The following ZNF821 variants were observed in gnomAD, a reference collection of about 807,000 sequenced individuals.
The protein encoded by ZNF821 is zinc finger protein 821.
ZNF821 carries 16 observed loss-of-function variants against 44.3 expected under a neutral mutation model. The observed-to-expected ratio is 0.36, with a 90% CI of 0.24 to 0.55. The LOEUF (loss-of-function observed/expected upper bound fraction) is 0.55. Ranked by LOEUF, ZNF821 falls within the 20% of genes least tolerant of loss-of-function variation. The pLI, the probability that ZNF821 is intolerant of heterozygous loss-of-function variation, is 0.86. For missense variants in ZNF821, 436 were observed against 547.6 expected (o/e 0.80, Z 2.03); for synonymous variants, 204 against 197.6 (o/e 1.03, Z -0.27).
rs563614681 is a variant in ZNF821, at chr16:71,870,886, A to T, written c.41-2849T>A. Among the ~76,000 whole-genome samples the T allele has an allele frequency of 7.2e-5, 11 of 152,360 alleles. No homozygotes were observed. The South Asian group carries it at 2.3e-3, about 32-fold the overall frequency. On this transcript the variant is annotated intron_variant, in intron 3 of 7. Coordinates refer to ENST00000425432, the MANE Select transcript of ZNF821 (RefSeq NM_001201552.2). ...TAAGGAACAAGTTATGTACTAGCAT[A>T]TAATTATCAAGGGGAAGACCTTTCT...
At chr16:71,870,150 TG>T (rs2142395847) in intron 3 of ZNF821, among the ~76,000 whole-genome samples, 1 of 152,180 alleles carries the variant, frequency 6.6e-6, no homozygotes, top group South Asian at 2.1e-4. Context: ...AAAAGACAAA[TG>T]ATGGTTCTGA....
chr16:71,866,254 A>C (rs1286835613), intron 4 of ZNF821, among the ~76,000 whole-genome samples: 1 of 152,230 alleles, frequency 6.6e-6, no homozygotes, highest in Non-Finnish European at 1.5e-5. Context: ...ATCCACCAGT[A>C]TGAGAGCAAC....
chr16:71,874,320 G>C (rs370959310), intron 3 of ZNF821, among the ~76,000 whole-genome samples: 8 of 152,160 alleles, frequency 5.3e-5, no homozygotes, highest in Admixed American at 2.0e-4. Flanking sequence ...CACAATCTTC[G>C]TCTTCCCAGA....
chr16:71,888,372 C>G (rs1405330164), upstream of ZNF821, among the ~76,000 whole-genome samples: 1 of 152,052 alleles, frequency 6.6e-6, no homozygotes, highest in Non-Finnish European at 1.5e-5. Context: ...AAAATTTACA[C>G]CTATGTTTTC....
At chr16:71,862,013 C>A in intron 6 of ZNF821, 71 bp from the exon 7 acceptor site, 1 of 1,558,856 alleles carries the variant, frequency 6.4e-7, no homozygotes, top group Non-Finnish European at 8.8e-7. Flanking sequence ...TTAGAAATGA[C>A]TTTTGGGAAA....
intron 3 of ZNF821, among the ~76,000 whole-genome samples, chr16:71,874,924 G>A (rs2035633569): frequency 6.6e-6 from 1 of 152,186 alleles, no homozygotes; most frequent in South Asian, 2.1e-4. Flanking sequence ...AAAGGGTAGG[G>A]TCAGCTTCAG....
In ZNF821 at chr16:71,864,114, A is replaced by C. The variant is rs371437397; in HGVS notation, c.417+24T>G. The C allele has an allele frequency of 5.6e-6, 9 of 1,597,640 alleles. No individual in the cohort carries two copies. The African/African-American group carries it at 1.2e-4, about 21-fold the overall frequency. On this transcript the variant is annotated intron_variant, in intron 6 of 7. Coordinates refer to ENST00000425432, the MANE Select transcript of ZNF821 (RefSeq NM_001201552.2). Reference sequence around the variant, plus strand: ...CAAGCTGCCCACACTTGTGTTCCAGAGCACACAGCTCCCCCATCCATACCT... The same window carrying C: ...CAAGCTGCCCACACTTGTGTTCCAGCGCACACAGCTCCCCCATCCATACCT...
At position 71,859,882 on chromosome 16, in the gene ZNF821, C is replaced by T. The variant is rs2033632058; in HGVS notation, c.*136G>A. 1 of 1,007,588 alleles carries T rather than the reference C, an allele frequency of 9.9e-7. No individual in the cohort carries two copies. Among genetic ancestry groups the T allele is most frequent in the South Asian group, 1.7e-5 (1 of 58,650 alleles). The allele number at this position is 1,007,588 out of a possible 1,614,324, so 62.4% of individuals were successfully genotyped here. ...CCCATATGCAAGGGCTGCTCAGGTC[C>T]ACCTGCAATAAACCCAGGCCTGCCT... On this transcript the variant is annotated 3_prime_UTR_variant, in exon 8 of 8. Coordinates refer to ENST00000425432, the MANE Select transcript of ZNF821 (RefSeq NM_001201552.2).
At chr16:71,884,918 C>G (rs2036790011), upstream of ZNF821, 1 of 143,304 alleles carries the variant, frequency 7.0e-6, no homozygotes, top group Non-Finnish European at 1.5e-5. Context: ...AATGCAATGG[C>G]GCGATCTTCG....
exon 1 of ZNF821, chr16:71,895,066 C>T (rs542158898): frequency 4.5e-6 from 2 of 446,514 alleles, no homozygotes; most frequent in East Asian, 4.0e-5. Context: ...GTCAGGGATA[C>T]GCAGGCTTCG....
At chr16:71,870,872 T>G (rs193040082) in intron 3 of ZNF821, among the ~76,000 whole-genome samples, 9 of 152,206 alleles carry the variant, frequency 5.9e-5, no homozygotes, top group African/African-American at 2.2e-4. Flanking sequence ...AAGGAACAAG[T>G]TATGTACTAG....
chr16:71,871,934 C>T (rs1319059592), intron 3 of ZNF821, among the ~76,000 whole-genome samples: 5 of 151,890 alleles, frequency 3.3e-5, no homozygotes, highest in African/African-American at 4.8e-5. Context: ...TGAGTTCAAG[C>T]GATTCTCCTG....
intron 3 of ZNF821, among the ~76,000 whole-genome samples, chr16:71,873,716 C>A (rs966959998): frequency 1.3e-5 from 2 of 151,932 alleles, no homozygotes; most frequent in African/African-American, 4.8e-5. Context: ...TGCAGTGGTG[C>A]AATCATAGCT....
At chr16:71,883,403 G>A (rs62056529) in intron 1 of ZNF821, 130 bp from the exon 2 acceptor site, 11 of 350,212 alleles carry the variant, frequency 3.1e-5, no homozygotes, top group Non-Finnish European at 6.2e-5. Flanking sequence ...CATGAGCCCA[G>A]GTAAATTCCC....
chr16:71,880,087 G>T, intron 2 of ZNF821, 64 bp from the exon 3 acceptor site: 1 of 732,148 alleles, frequency 1.4e-6, no homozygotes, highest in Non-Finnish European at 2.2e-6. Flanking sequence ...AAAATTTAAA[G>T]ATAAAATGTC....
At position 71,862,076 on chromosome 16, in the gene ZNF821, C is replaced by G; in HGVS notation, c.418-134G>C. 3.7e-6 allele frequency: 4 copies of G among 1,072,564 alleles called. No homozygotes were observed. In the Admixed American group the frequency reaches 1.1e-4, roughly 29 times the overall value. The allele number at this position is 1,072,564 out of a possible 1,614,324, so 66.4% of individuals were successfully genotyped here. A position where few individuals can be genotyped will look rare whatever the true frequency, so the allele number is the denominator to read the frequency against. ...GGAACTTCCAAGTATTCTGTTTAGCCCCTAGAAAAGTCAGTCTCTTACATT... is the reference window on the plus strand; with the variant it reads ...GGAACTTCCAAGTATTCTGTTTAGCGCCTAGAAAAGTCAGTCTCTTACATT... On this transcript the variant is annotated intron_variant, in intron 6 of 7. Coordinates refer to ENST00000425432, the MANE Select transcript of ZNF821 (RefSeq NM_001201552.2).
rs762238831 is a variant in ZNF821, at chr16:71,859,959, CTGTGGG to C, written c.*53_*58del. 6.8e-5 allele frequency: 98 copies of C among 1,435,634 alleles called. No individual in the cohort carries two copies. The highest frequency in any genetic ancestry group is 7.9e-5 in the Non-Finnish European group (87 of 1,096,814). 88.9% of individuals were successfully genotyped at this position (1,435,634 alleles called of 1,614,324 possible). ...GTGGCAGCAGCACTGGTCCTCGTGGCTGTGGGTGTGGGTGGGTGGGTAGGTAGGTGG... is the reference window on the plus strand; with the variant it reads ...GTGGCAGCAGCACTGGTCCTCGTGGCTGTGGGTGGGTGGGTAGGTAGGTGG... On this transcript the variant is annotated 3_prime_UTR_variant, in exon 8 of 8. Coordinates refer to ENST00000425432, the MANE Select transcript of ZNF821 (RefSeq NM_001201552.2).
rs1036275757 is a variant in ZNF821 at position 71,871,992 on chromosome 16, TG to T, written c.41-3956del. ...GATTACAGGCAAGCACCACCACGCCTGGCTAATTTTGTATTTTTAGTAGAGA... is the reference window on the plus strand; with the variant it reads ...GATTACAGGCAAGCACCACCACGCCTGCTAATTTTGTATTTTTAGTAGAGA... On this transcript the variant is annotated intron_variant, in intron 3 of 7. Coordinates refer to ENST00000425432, the MANE Select transcript of ZNF821 (RefSeq NM_001201552.2). 2.4e-4 allele frequency among the ~76,000 whole-genome samples: 37 copies of T among 152,046 alleles called. 1 individual carries two copies. Among genetic ancestry groups the T allele is most frequent in the Admixed American group, 2.3e-3 (35 of 15,266 alleles).
At position 71,861,878 on chromosome 16, in the gene ZNF821, G is replaced by A. The variant is rs1472781998; in HGVS notation, c.482C>T (p.Ser161Phe). The change falls in exon 7 of 8, where the codon TCC becomes TTC. Residue 161 changes from serine to phenylalanine, a missense_variant. Ser to Phe is a radical substitution (Grantham distance 155, BLOSUM62 -2). This residue lies in a region of ZNF821 where 238 missense variants were observed against 281.4 expected (regional missense o/e 0.85). Coordinates refer to ENST00000425432, the MANE Select transcript of ZNF821 (RefSeq NM_001201552.2). ...MCPVCGRALS[S>F]PGSLGRHLLI... ...GAGGTGGCGACCCAATGACCCCGGG[G>A]AGCTAAGGGCCCGGCCACAGACAGG... The A allele has an allele frequency of 6.2e-7, 1 of 1,614,138 alleles. No individual in the cohort carries two copies. Among genetic ancestry groups the A allele is most frequent in the Non-Finnish European group, 8.5e-7 (1 of 1,180,040 alleles).
Sources: gnomAD v4.1 joint callset for allele counts (sites outside exome capture counted in the v4.1 genomes callset) on GRCh38, gnomAD v4.1.1 for gene constraint, gnomAD v4.1.1 regional missense constraint, MANE v1.5 for transcripts, NCBI Gene and HGNC (gene_info 2026-07-23, HGNC 2026-07-21) for gene names.